ZNF541: variants seen among roughly 807,000 people sequenced by gnomAD.
ZNF541 encodes zinc finger protein 541.
A neutral mutation model predicts 123.5 loss-of-function variants in ZNF541; 23 were observed. That is an observed-to-expected ratio of 0.19 (90% CI 0.13 to 0.26). The LOEUF (loss-of-function observed/expected upper bound fraction) is 0.26, where lower values mean the gene tolerates loss of function less well. Ranked by LOEUF, ZNF541 falls within the 10% of genes least tolerant of loss-of-function variation. The probability of loss-of-function intolerance (pLI) is 1.00; values close to 1 mark genes in which losing one functional copy is unlikely to be tolerated. For synonymous variants in ZNF541, 751 were observed against 754.5 expected (o/e 1.00, Z 0.08); for missense variants, 1,612 against 1,789.9 (o/e 0.90, Z 1.79).
chr19:47,545,659 A>C lies in ZNF541; in HGVS notation c.870T>G (p.Pro290=), dbSNP rs867874709. 5.8e-5 allele frequency: 90 copies of C among 1,549,610 alleles called. No homozygotes were observed. In the Middle Eastern group the frequency reaches 3.5e-3, roughly 60 times the overall value. Residue 290 remains proline, a synonymous_variant, in exon 5 of 17, where the codon CCT becomes CCG. Transcript: ENST00000391901. The surrounding 1 kb of genome is among the most constrained non-coding windows in gnomAD (Gnocchi z 7.5). ...CTGAAGCCCCCGCCGGGGCTGGGCCAGGAGAAGGGGTCTTCTGGTGGACGA... is the reference window on the plus strand; with the variant it reads ...CTGAAGCCCCCGCCGGGGCTGGGCCCGGAGAAGGGGTCTTCTGGTGGACGA... The part of the protein sequence containing the change: ...SSIVHQKTPS[P]GPAPAGASDS...
intron 2 of ZNF541, among the ~76,000 whole-genome samples, chr19:47,558,969 C>T (rs576525405): frequency 1.3e-5 from 2 of 151,834 alleles, no homozygotes; most frequent in South Asian, 4.2e-4. Context: ...TGGTCTTGAA[C>T]TTCTGACCTC....
chr19:47,540,599 G>A (rs934018875), intron 6 of ZNF541, among the ~76,000 whole-genome samples: 3 of 151,952 alleles, frequency 2.0e-5, no homozygotes, highest in Admixed American at 1.3e-4. Context: ...GCCAATATAC[G>A]TGGCTAATTT....
intron 2 of ZNF541, among the ~76,000 whole-genome samples, chr19:47,565,249 C>G (rs567601820): frequency 1.1e-4 from 16 of 151,930 alleles, no homozygotes; most frequent in Non-Finnish European, 1.5e-4. Context: ...TTACAAATCA[C>G]CACTAAAGAA....
rs1971498469 is a variant in ZNF541 at position 47,572,187 on chromosome 19, A to G, written c.-245-145T>C. On this transcript the variant is annotated intron_variant, in intron 1 of 16. Coordinates refer to ENST00000391901, the MANE Select transcript of ZNF541 (RefSeq NM_001277075.3). ...ACAGCGGAGATTTGAGTGAGGAGGAAAGGTTTTTTTGGTAAGAAGAAATAA... is the reference window on the plus strand; with the variant it reads ...ACAGCGGAGATTTGAGTGAGGAGGAGAGGTTTTTTTGGTAAGAAGAAATAA... Among the ~76,000 whole-genome samples the G allele has an allele frequency of 2.0e-5, 3 of 152,198 alleles. No homozygotes were observed. In the South Asian group the frequency reaches 6.2e-4, roughly 31 times the overall value.
chr19:47,533,292 G>A (rs1486992670), intron 9 of ZNF541, among the ~76,000 whole-genome samples: 2 of 148,810 alleles, frequency 1.3e-5, no homozygotes, highest in African/African-American at 5.0e-5. Context: ...CCCAGGAGGC[G>A]GAGCTTGCGG....
intron 5 of ZNF541, among the ~76,000 whole-genome samples, chr19:47,543,584 A>G (rs1272625302): frequency 6.6e-6 from 1 of 151,942 alleles, no homozygotes; most frequent in Non-Finnish European, 1.5e-5. Context: ...AAAAAAAAGC[A>G]AAAAAGGCTT....
Position 47,545,650 on chromosome 19 carries a change from G to A in ZNF541, c.879C>T (p.Ala293=). 6.5e-7 allele frequency: 1 copy of A among 1,549,992 alleles called. No individual in the cohort carries two copies. Among genetic ancestry groups the A allele is most frequent in the African/African-American group, 1.4e-5 (1 of 73,156 alleles). The change falls in exon 5 of 17, where the codon GCC becomes GCT. Residue 293 remains alanine, a synonymous_variant. Coordinates refer to ENST00000391901, the MANE Select transcript of ZNF541 (RefSeq NM_001277075.3). The surrounding 1 kb of genome is among the most constrained non-coding windows in gnomAD (Gnocchi z 7.5). The stretch of plus-strand genomic sequence containing the variant: ...CTTCGCTGTCTGAAGCCCCCGCCGG[G>A]GCTGGGCCAGGAGAAGGGGTCTTCT... ...VHQKTPSPGP[A]PAGASDSEGR...
In ZNF541 at chr19:47,521,654, C is replaced by A. The variant is rs770648223; in HGVS notation, c.3712G>T (p.Val1238Phe). ...PEEVERTEEK[V>F]PCSPRERPSH... The stretch of plus-strand genomic sequence containing the variant: ...GGTCTCTCCCGAGGGCTGCATGGGA[C>A]CTGCAGAGGGAGCAAAAGTGACATA... Residue 1238 changes from valine to phenylalanine, a missense_variant and splice_region_variant, in exon 16 of 17, where the codon GTC becomes TTC. Val to Phe is a conservative substitution (Grantham distance 50, BLOSUM62 -1). Transcript: ENST00000391901. This position sits in a 1 kb window ranked among gnomAD's most constrained non-coding sequence, Gnocchi z 4.2. 16 of 1,551,488 alleles carry A rather than the reference C, an allele frequency of 1.0e-5. 1 individual carries two copies. The highest frequency in any genetic ancestry group is 2.0e-5 in the Admixed American group (1 of 50,974).
chr19:47,521,225 C>T lies in ZNF541; in HGVS notation c.4040G>A (p.Ter1347=), dbSNP rs1186911775. ...LGADIGPLQW[*] is the part of the protein sequence containing the mutation. Reference sequence around the variant, plus strand: ...CATTCGGACTTGCTGCCACGGGAGTCACCACTGCAGGGGGCCGATGTCAGC... The same window carrying T: ...CATTCGGACTTGCTGCCACGGGAGTTACCACTGCAGGGGGCCGATGTCAGC... Residue 1347 remains the stop codon, a stop_retained_variant, in exon 17 of 17, where the codon TGA becomes TAA. Coordinates refer to ENST00000391901, the MANE Select transcript of ZNF541 (RefSeq NM_001277075.3). The surrounding 1 kb of genome is among the most constrained non-coding windows in gnomAD (Gnocchi z 4.2). 1.5e-5 allele frequency: 23 copies of T among 1,551,040 alleles called. No individual in the cohort carries two copies. Among genetic ancestry groups the T allele is most frequent in the East Asian group, 2.4e-5 (1 of 40,918 alleles).
At chr19:47,569,135 A>G (rs980087091) in intron 2 of ZNF541, among the ~76,000 whole-genome samples, 1 of 152,070 alleles carries the variant, frequency 6.6e-6, no homozygotes, top group Non-Finnish European at 1.5e-5. Context: ...ATTCCTTCAC[A>G]GTTAACAACG....
At chr19:47,552,434 T>C (rs1007922206) in intron 3 of ZNF541, among the ~76,000 whole-genome samples, 2 of 152,102 alleles carry the variant, frequency 1.3e-5, no homozygotes, top group African/African-American at 4.8e-5. Flanking sequence ...GAAATTACTA[T>C]AATGAGTAGT....
intron 9 of ZNF541, among the ~76,000 whole-genome samples, chr19:47,535,313 A>G (rs1969766092): frequency 6.6e-6 from 1 of 152,234 alleles, no homozygotes; most frequent in African/African-American, 2.4e-5. Flanking sequence ...GGTCAGGCAA[A>G]TCTTCACATA....
intron 2 of ZNF541, among the ~76,000 whole-genome samples, chr19:47,562,808 C>T (rs117027205): frequency 0.011 from 1,637 of 152,292 alleles, 24 homozygotes; most frequent in Non-Finnish European, 0.013. Context: ...CGTGTCACTG[C>T]TCCATTTCTT....
chr19:47,540,965 T>G lies in ZNF541; in HGVS notation c.2404-14A>C, dbSNP rs1360994954. The G allele has an allele frequency of 1.9e-6, 3 of 1,550,104 alleles. No individual in the cohort carries two copies. In the African/African-American group the frequency reaches 4.1e-5, roughly 21 times the overall value. ...GATGTTTCCACCCTGAAGATGAAAA[T>G]GCATCTGAACCAACACATCCAAAAT... On this transcript the variant is annotated splice_polypyrimidine_tract_variant and intron_variant, in intron 5 of 16. Coordinates refer to ENST00000391901, the MANE Select transcript of ZNF541 (RefSeq NM_001277075.3).
intron 14 of ZNF541, among the ~76,000 whole-genome samples, chr19:47,524,814 G>C (rs554110015): frequency 2.6e-5 from 4 of 152,176 alleles, no homozygotes; most frequent in South Asian, 2.1e-4. Context: ...GAGGTCAAAG[G>C]GTGCAGTGAA....
chr19:47,545,349 G>C lies in ZNF541; in HGVS notation c.1180C>G (p.Leu394Val). 6.5e-7 allele frequency: 1 copy of C among 1,545,168 alleles called. No individual in the cohort carries two copies. The highest frequency in any genetic ancestry group is 2.0e-5 in the Admixed American group (1 of 50,294). ...ACCGTCTGGCCTCGGAAGAGAGGCA[G>C]GCAGGCAGGCACGGAGCCGCCTTCG... ...WPEGGSVPAC[L>V]PLFRGQTVPA... Residue 394 changes from leucine (L) to valine (V), a missense_variant, in exon 5 of 17, where the codon CTG becomes GTG. Around this residue, in one of 5 missense-constraint regions of ZNF541, gnomAD observed 1,080 missense variants for 1,013.8 expected, o/e 1.07. Transcript: ENST00000391901. This position sits in a 1 kb window ranked among gnomAD's most constrained non-coding sequence, Gnocchi z 7.5.
chr19:47,536,939 AG>A (rs2123032482), intron 9 of ZNF541, among the ~76,000 whole-genome samples: 1 of 152,338 alleles, frequency 6.6e-6, no homozygotes, highest in African/African-American at 2.4e-5. Context: ...TACAATATGA[AG>A]GGACTCTGAA....
In ZNF541 at chr19:47,532,193, T is replaced by C. The variant is rs1969604197; in HGVS notation, c.3236A>G (p.His1079Arg). 2 of 1,551,802 alleles carry C rather than the reference T, an allele frequency of 1.3e-6. No homozygotes were observed. The highest frequency in any genetic ancestry group is 1.7e-6 in the Non-Finnish European group (2 of 1,147,006). Residue 1079 changes from histidine to arginine, a missense_variant, in exon 11 of 17, where the codon CAT (histidine) becomes CGT (arginine). By Grantham distance (29) the His-to-Arg change is conservative. Transcript: ENST00000391901. ...QERSLAGTDE[H>R]VASLVWKPWG... ...TGGCTTCCAGACCAGAGAAGCTACA[T>C]GCTCGTCAGTTCCAGCCAGGGATCT... is the stretch of plus-strand genomic sequence containing the variant.
At chr19:47,554,815 C>T (rs760192269) in intron 3 of ZNF541, among the ~76,000 whole-genome samples, 3 of 152,104 alleles carry the variant, frequency 2.0e-5, no homozygotes, top group South Asian at 2.1e-4. Flanking sequence ...AATTGGGGGC[C>T]GAGTGTGGTG....
Sources: allele counts gnomAD v4.1 joint callset (sites outside exome capture counted in the v4.1 genomes callset), GRCh38; gene constraint gnomAD v4.1.1; regional missense constraint gnomAD v4.1.1; non-coding constraint Gnocchi (gnomAD v3.1); transcripts MANE v1.5; gene names NCBI Gene and HGNC (gene_info 2026-07-23, HGNC 2026-07-21).